Variants in SNX18 observed in about 807,000 individuals in gnomAD.
The protein encoded by SNX18 is sorting nexin 18, also known as sorting nexin-18.
SNX18 carries 35 observed loss-of-function variants against 48.7 expected under a neutral mutation model. That is an observed-to-expected ratio of 0.72 (90% CI 0.55 to 0.95). The LOEUF is 0.95. Ranked by LOEUF, SNX18 falls within the 40% of genes least tolerant of loss-of-function variation. The pLI is 0.00. For missense variants in SNX18, 824 were observed against 871.0 expected, an observed-to-expected ratio of 0.95 and a Z score of 0.68; for synonymous variants, 492 against 384.7, an observed-to-expected ratio of 1.28 and a Z score of -3.26.
Position 54,519,229 on chromosome 5 carries a change from G to C in SNX18, c.1277G>C (p.Ser426Thr). The C allele has an allele frequency of 6.2e-7, 1 of 1,614,158 alleles. No homozygotes were observed. The highest frequency in any genetic ancestry group is 1.7e-5 in the Admixed American group (1 of 60,022). ...AAALDLQEVE[S>T]KIDGFKCFTK... is the part of the protein sequence containing the mutation. Reference sequence around the variant, plus strand: ...GCCCTTGACCTGCAGGAGGTGGAGAGCAAGATCGACGGCTTCAAGTGCTTC... The same window carrying C: ...GCCCTTGACCTGCAGGAGGTGGAGACCAAGATCGACGGCTTCAAGTGCTTC... Residue 426 changes from serine (S) to threonine (T), a missense_variant, in exon 1 of 2, where the codon AGC becomes ACC. Ser to Thr is a moderately conservative substitution (Grantham distance 58). Transcript: ENST00000381410.
chr5:54,638,420 G>C, the SNX18 span, among the ~76,000 whole-genome samples: 1 of 152,174 alleles, frequency 6.6e-6, no homozygotes, highest in East Asian at 1.9e-4. Context: ...CTTAGTTTTT[G>C]TATCTATAAA....
chr5:54,551,604 T>C, the SNX18 span, among the ~76,000 whole-genome samples: 1 of 152,220 alleles, frequency 6.6e-6, no homozygotes, highest in African/African-American at 2.4e-5. Context: ...CAAAACCATT[T>C]TACAAAGAAG....
the SNX18 span, among the ~76,000 whole-genome samples, chr5:54,641,703 A>G: frequency 6.6e-6 from 1 of 152,190 alleles, no homozygotes; most frequent in Non-Finnish European, 1.5e-5. Flanking sequence ...TGACAGGGAA[A>G]CTATAGAGTC....
At chr5:54,550,020 C>T (rs766944939), downstream of SNX18, among the ~76,000 whole-genome samples, 1 of 152,184 alleles carries the variant, frequency 6.6e-6, no homozygotes, top group Non-Finnish European at 1.5e-5. Context: ...CATTGGAGTG[C>T]AGTTCAGGAT....
At chr5:54,641,579 T>C in the SNX18 span, among the ~76,000 whole-genome samples, 1 of 152,086 alleles carries the variant, frequency 6.6e-6, no homozygotes, top group Non-Finnish European at 1.5e-5. Context: ...ACTCAGGGTT[T>C]TGAGCGTGCA....
chr5:54,561,552 C>T, the SNX18 span, among the ~76,000 whole-genome samples: 1 of 147,288 alleles, frequency 6.8e-6, no homozygotes, highest in African/African-American at 2.5e-5. Context: ...GTTAGCCAGG[C>T]TGGTCTAAAA....
intron 1 of SNX18, among the ~76,000 whole-genome samples, chr5:54,539,833 T>G (rs576176214): frequency 2.8e-4 from 42 of 152,202 alleles, no homozygotes; most frequent in African/African-American, 9.6e-4. Flanking sequence ...TTTTTTGTTT[T>G]GTTTTGTTTT....
chr5:54,601,086 C>T, the SNX18 span, among the ~76,000 whole-genome samples: 2 of 145,628 alleles, frequency 1.4e-5, no homozygotes, highest in Admixed American at 1.4e-4. Context: ...CCCGTCCTCC[C>T]TCTGTCTGTC....
At chr5:54,548,431 T>C (rs1219688377), downstream of SNX18, among the ~76,000 whole-genome samples, 1 of 152,212 alleles carries the variant, frequency 6.6e-6, no homozygotes, top group Non-Finnish European at 1.5e-5. Flanking sequence ...CAGGATGGAA[T>C]TGCTGAGTTG....
intron 1 of SNX18, among the ~76,000 whole-genome samples, chr5:54,534,179 G>A (rs147356263): frequency 1.3e-5 from 2 of 151,828 alleles, no homozygotes; most frequent in Non-Finnish European, 2.9e-5. Flanking sequence ...GACAGAAATC[G>A]AGTTAATGTT....
intron 1 of SNX18, among the ~76,000 whole-genome samples, chr5:54,539,704 A>G (rs1257536864): frequency 1.3e-5 from 2 of 152,022 alleles, no homozygotes; most frequent in Admixed American, 6.6e-5. Flanking sequence ...GCCTTTCCAT[A>G]AATGTTCACG....
chr5:54,625,041 A>G, the SNX18 span, among the ~76,000 whole-genome samples: 1 of 152,090 alleles, frequency 6.6e-6, no homozygotes, highest in Non-Finnish European at 1.5e-5. Flanking sequence ...ATATTTTGAA[A>G]CTTATATATT....
intron 1 of SNX18, among the ~76,000 whole-genome samples, chr5:54,536,153 T>A (rs1382746548): frequency 1.3e-5 from 2 of 152,230 alleles, no homozygotes; most frequent in Non-Finnish European, 2.9e-5. Flanking sequence ...TCCTTTTGCC[T>A]GTTCGGTATC....
At chr5:54,588,306 C>CTTTATTTTTTT in the SNX18 span, among the ~76,000 whole-genome samples, 3 of 73,910 alleles carry the variant, frequency 4.1e-5, no homozygotes, top group African/African-American at 5.4e-5. Flanking sequence ...TATTTCTATT[C>CTTTATTTTTTT]TTTTTTTTTT....
At chr5:54,548,655 C>A (rs796871865), downstream of SNX18, among the ~76,000 whole-genome samples, 1 of 152,172 alleles carries the variant, frequency 6.6e-6, no homozygotes, top group South Asian at 2.1e-4. Context: ...GAAGCCTTAA[C>A]CATTTTGCAA....
At chr5:54,536,304 A>C (rs924948942) in intron 1 of SNX18, among the ~76,000 whole-genome samples, 4 of 152,114 alleles carry the variant, frequency 2.6e-5, no homozygotes, top group African/African-American at 9.7e-5. Flanking sequence ...ATATGTATAC[A>C]TGCGCCATGT....
the SNX18 span, among the ~76,000 whole-genome samples, chr5:54,609,939 G>T: frequency 6.6e-6 from 1 of 151,948 alleles, no homozygotes; most frequent in African/African-American, 2.4e-5. Context: ...GTGAATTCTC[G>T]TGAGATCTGG....
chr5:54,607,944 C>T, the SNX18 span, among the ~76,000 whole-genome samples: 1 of 152,170 alleles, frequency 6.6e-6, no homozygotes, highest in African/African-American at 2.4e-5. Context: ...AACAAACAAA[C>T]AAACAAACAA....
At chr5:54,592,103 G>A in the SNX18 span, among the ~76,000 whole-genome samples, 3 of 152,138 alleles carry the variant, frequency 2.0e-5, no homozygotes, top group African/African-American at 7.2e-5. Flanking sequence ...TTTCAAAATT[G>A]TTCAAAAGGC....
Sources: gnomAD v4.1 joint callset for allele counts (sites outside exome capture counted in the v4.1 genomes callset) on GRCh38, gnomAD v4.1.1 for gene constraint, MANE v1.5 for transcripts, NCBI Gene and HGNC (gene_info 2026-07-23, HGNC 2026-07-21) for gene names.